AFG2A: variants seen among roughly 807,000 people sequenced by gnomAD.
AFG2A encodes the protein AAA ATPase AFG2A.
the AFG2A span, among the ~76,000 whole-genome samples, chr4:123,227,126 G>A: frequency 2.5e-3 from 381 of 151,940 alleles, 2 homozygotes; most frequent in Middle Eastern, 0.014. Context: ...TCTTGCTAGC[G>A]GTCTATCAAT....
At chr4:123,086,775 T>C in the AFG2A span, among the ~76,000 whole-genome samples, 1 of 152,164 alleles carries the variant, frequency 6.6e-6, no homozygotes, top group East Asian at 1.9e-4. Context: ...GAAGTTTGTA[T>C]ATACATATCC....
At chr4:123,170,421 A>G in the AFG2A span, among the ~76,000 whole-genome samples, 1 of 152,188 alleles carries the variant, frequency 6.6e-6, no homozygotes, top group South Asian at 2.1e-4. Context: ...GATAAGTATA[A>G]CAGTTTACTC....
At chr4:123,193,617 C>G in the AFG2A span, among the ~76,000 whole-genome samples, 8 of 152,268 alleles carry the variant, frequency 5.3e-5, no homozygotes, top group East Asian at 1.3e-3. Flanking sequence ...AAGCTGTTCT[C>G]TGGTGTACAA....
chr4:122,947,724 G>A, the AFG2A span, among the ~76,000 whole-genome samples: 97 of 152,132 alleles, frequency 6.4e-4, 3 homozygotes, highest in East Asian at 0.013. Flanking sequence ...CCATTATAGT[G>A]TATACAGTCA....
At chr4:123,015,408 A>G in the AFG2A span, among the ~76,000 whole-genome samples, 3 of 152,050 alleles carry the variant, frequency 2.0e-5, no homozygotes, top group East Asian at 5.8e-4. Context: ...GCTGCCTTCA[A>G]GCATCTGTTT....
the AFG2A span, among the ~76,000 whole-genome samples, chr4:123,017,863 CTT>C: frequency 4.5e-4 from 69 of 152,128 alleles, no homozygotes; most frequent in Non-Finnish European, 2.9e-5. Flanking sequence ...TGGTAAAAAA[CTT>C]GGCACCCAGC....
At chr4:123,028,484 G>A in the AFG2A span, 3 of 994,342 alleles carry the variant, frequency 3.0e-6, no homozygotes, top group South Asian at 1.5e-5. Flanking sequence ...AACGAATAAA[G>A]GCATCTTAAG....
the AFG2A span, among the ~76,000 whole-genome samples, chr4:123,207,373 G>A: frequency 7.9e-3 from 1,188 of 150,088 alleles, 6 homozygotes; most frequent in Non-Finnish European, 0.012. Flanking sequence ...GTGTAGTGGC[G>A]CAATCACACG....
chr4:123,116,682 G>C, the AFG2A span, among the ~76,000 whole-genome samples: 6 of 152,192 alleles, frequency 3.9e-5, no homozygotes, highest in Non-Finnish European at 8.8e-5. Flanking sequence ...TGTTCTGTTT[G>C]TTTGAATTAC....
At chr4:123,048,862 T>C in the AFG2A span, among the ~76,000 whole-genome samples, 2 of 152,112 alleles carry the variant, frequency 1.3e-5, no homozygotes, top group African/African-American at 4.8e-5. Flanking sequence ...TTTATTTCTT[T>C]CTCTTTCCTA....
chr4:123,092,095 G>A, the AFG2A span, among the ~76,000 whole-genome samples: 119 of 152,304 alleles, frequency 7.8e-4, no homozygotes, highest in African/African-American at 2.7e-3. Flanking sequence ...TCCTGATGCA[G>A]TATTTTATTA....
the AFG2A span, among the ~76,000 whole-genome samples, chr4:123,205,624 A>G: frequency 6.6e-6 from 1 of 152,110 alleles, no homozygotes; most frequent in Non-Finnish European, 1.5e-5. Flanking sequence ...GCAAATAACT[A>G]CACCATTTTA....
chr4:122,983,493 A>T, the AFG2A span, among the ~76,000 whole-genome samples: 1 of 151,678 alleles, frequency 6.6e-6, no homozygotes, highest in African/African-American at 2.4e-5. Flanking sequence ...AAGTTTTGGT[A>T]TGTTGTGTTT....
At chr4:122,979,223 T>C in the AFG2A span, 5 of 1,609,258 alleles carry the variant, frequency 3.1e-6, no homozygotes, top group Admixed American at 8.5e-5. Flanking sequence ...TACTTTCCTC[T>C]CTTTATAGGT....
At chr4:123,278,148 A>T in the AFG2A span, among the ~76,000 whole-genome samples, 2 of 151,982 alleles carry the variant, frequency 1.3e-5, no homozygotes, top group African/African-American at 4.8e-5. Context: ...AGAACTTGTT[A>T]TTGGTCTGTT....
At chr4:123,078,896 C>T in the AFG2A span, among the ~76,000 whole-genome samples, 9 of 152,284 alleles carry the variant, frequency 5.9e-5, no homozygotes, top group South Asian at 2.1e-4. Flanking sequence ...CAGCTACCTC[C>T]GACCAGTTCT....
the AFG2A span, among the ~76,000 whole-genome samples, chr4:122,944,306 C>A: frequency 6.6e-6 from 1 of 151,872 alleles, no homozygotes; most frequent in African/African-American, 2.4e-5. Context: ...TTCACATAGT[C>A]CCATATTTCT....
chr4:123,099,107 G>A, the AFG2A span, among the ~76,000 whole-genome samples: 2 of 151,898 alleles, frequency 1.3e-5, no homozygotes, highest in Non-Finnish European at 2.9e-5. Flanking sequence ...TTTCTCTGAT[G>A]ATTAGTGATG....
the AFG2A span, among the ~76,000 whole-genome samples, chr4:123,015,839 G>T: frequency 2.0e-4 from 10 of 49,910 alleles, no homozygotes; most frequent in South Asian, 9.3e-4. Flanking sequence ...TCCCGGATGG[G>T]GCGGCTGGCC....
Sources: gnomAD v4.1 joint callset for allele counts (sites outside exome capture counted in the v4.1 genomes callset) on GRCh38, gnomAD v4.1.1 for gene constraint, MANE v1.5 for transcripts, NCBI Gene and HGNC (gene_info 2026-07-23, HGNC 2026-07-21) for gene names.